The following DNAJC3 variants were observed in gnomAD, a reference collection of about 807,000 sequenced individuals.
DNAJC3 encodes dnaJ homolog subfamily C member 3.
In DNAJC3, 38 loss-of-function variants were observed where a neutral mutation model predicts 68.6. The ratio of observed to expected loss-of-function variants is 0.55; its 90% CI spans 0.43 to 0.73. DNAJC3 has a LOEUF of 0.73. Ranked by LOEUF, DNAJC3 falls within the 30% of genes least tolerant of loss-of-function variation. The probability of loss-of-function intolerance (pLI) is 0.00; values close to 1 mark genes in which losing one functional copy is unlikely to be tolerated. For missense variants in DNAJC3, 526 were observed against 591.9 expected (o/e 0.89, Z 1.16); for synonymous variants, 203 against 204.0 (o/e 1.00, Z 0.04).
In DNAJC3 at chr13:95,763,735, A is replaced by G. The variant is rs1882892086; in HGVS notation, c.941A>G (p.His314Arg). Residue 314 changes from histidine (H) to arginine (R), a missense_variant, in exon 8 of 12, where the codon CAC (histidine) becomes CGC (arginine). Coordinates refer to ENST00000602402, the MANE Select transcript of DNAJC3 (RefSeq NM_006260.5). ...YTVRSKERICHCFSKDEKPVE... is the reference protein window; with the variant it reads ...YTVRSKERICRCFSKDEKPVE... ...GTTCGTTCAAAGGAGAGGATTTGCC[A>G]CTGCTTTTCTAAGGTAACAGTTGAC... 6.2e-7 allele frequency: 1 copy of G among 1,613,982 alleles called. No individual in the cohort carries two copies. The highest frequency in any genetic ancestry group is 8.5e-7 in the Non-Finnish European group (1 of 1,179,864).
At position 95,769,095 on chromosome 13, in the gene DNAJC3, G is replaced by GT. The variant is rs1258323799; in HGVS notation, c.1075+5146dup. Among the ~76,000 whole-genome samples, 4 of 152,204 alleles carry GT rather than the reference G, an allele frequency of 2.6e-5. No homozygotes were observed. The East Asian group carries it at 7.7e-4, about 29-fold the overall frequency. On this transcript the variant is annotated intron_variant, in intron 9 of 11. Coordinates refer to ENST00000602402, the MANE Select transcript of DNAJC3 (RefSeq NM_006260.5). ...CAGTCTCAGCCACCAACACAGCTGC[G>GT]TTTTAGTAAGAGTGGTCAAATTTAA...
At chr13:95,678,585 C>T (rs183342066) in intron 1 of DNAJC3, among the ~76,000 whole-genome samples, 21 of 152,292 alleles carry the variant, frequency 1.4e-4, no homozygotes, top group Middle Eastern at 3.4e-3. Flanking sequence ...GTCATATATT[C>T]TAGTTCTTTT....
At position 95,757,715 on chromosome 13, in the gene DNAJC3, G is replaced by A; in HGVS notation, c.465G>A (p.Gln155=). 6.3e-7 allele frequency: 1 copy of A among 1,586,464 alleles called. No homozygotes were observed. Among genetic ancestry groups the A allele is most frequent in the Non-Finnish European group, 8.6e-7 (1 of 1,158,232 alleles). Residue 155 remains glutamine (Q), a synonymous_variant, in exon 5 of 12, where the codon CAG becomes CAA. Coordinates refer to ENST00000602402, the MANE Select transcript of DNAJC3 (RefSeq NM_006260.5). ...AACTTATAAAATCTGATGAAATGCA[G>A]CGTTTGCGTTCACAAGCACTTAACG... ...QSQLIKSDEM[Q]RLRSQALNAF...
chr13:95,763,574 G>T, intron 7 of DNAJC3, 69 bp from the exon 8 acceptor site: 1 of 1,450,412 alleles, frequency 6.9e-7, no homozygotes, highest in East Asian at 2.3e-5. Context: ...GGTGAAGAGG[G>T]GAGGAGCCTT....
intron 1 of DNAJC3, among the ~76,000 whole-genome samples, chr13:95,699,405 T>G (rs1339407651): frequency 6.6e-6 from 1 of 152,222 alleles, no homozygotes; most frequent in Non-Finnish European, 1.5e-5. Context: ...TGGCTTGACA[T>G]AGCAGTTCAA....
At chr13:95,730,657 T>A (rs926593314) in intron 4 of DNAJC3, among the ~76,000 whole-genome samples, 1 of 152,224 alleles carries the variant, frequency 6.6e-6, no homozygotes, top group African/African-American at 2.4e-5. Flanking sequence ...TCTAATCTGT[T>A]CCATTGATGT....
chr13:95,754,019 T>C (rs1373395805), intron 4 of DNAJC3, among the ~76,000 whole-genome samples: 1 of 152,236 alleles, frequency 6.6e-6, no homozygotes, highest in Non-Finnish European at 1.5e-5. Flanking sequence ...CTGTGTTGGC[T>C]ATCTGCTGCT....
At position 95,677,153 on chromosome 13, in the gene DNAJC3, C is replaced by G. The variant is rs988554055; in HGVS notation, c.-103C>G. 10 of 1,085,854 alleles carry G rather than the reference C, an allele frequency of 9.2e-6. No homozygotes were observed. Among genetic ancestry groups the G allele is most frequent in the Non-Finnish European group, 1.3e-5 (10 of 762,490 alleles). The allele number at this position is 1,085,854 out of a possible 1,614,324, so 67.3% of individuals were successfully genotyped here. On this transcript the variant is annotated 5_prime_UTR_variant, in exon 1 of 12. Transcript: ENST00000602402. The stretch of plus-strand genomic sequence containing the variant: ...TGCTGGGCTCCAGAGCCACTGAGGC[C>G]TGAGCGAGAGCCGACGGCGGGCGGG...
intron 9 of DNAJC3, among the ~76,000 whole-genome samples, chr13:95,785,139 AT>A (rs1053780874): frequency 6.0e-5 from 9 of 149,908 alleles, no homozygotes; most frequent in South Asian, 2.1e-4. Flanking sequence ...CTTTCTACAA[AT>A]TTTTTTTTTC....
chr13:95,704,428 C>T (rs1168029799), intron 1 of DNAJC3, among the ~76,000 whole-genome samples: 1 of 152,202 alleles, frequency 6.6e-6, no homozygotes, highest in African/African-American at 2.4e-5. Context: ...TGTCTCCTAA[C>T]TAGTGCTGCT....
intron 11 of DNAJC3, among the ~76,000 whole-genome samples, chr13:95,788,757 A>G (rs1883675757): frequency 6.6e-6 from 1 of 152,124 alleles, no homozygotes; most frequent in Non-Finnish European, 1.5e-5. Context: ...TGGGGCCATT[A>G]TCACCCCCAC....
intron 9 of DNAJC3, among the ~76,000 whole-genome samples, chr13:95,778,515 CAGG>C (rs1883348736): frequency 6.6e-6 from 1 of 152,148 alleles, no homozygotes; most frequent in African/African-American, 2.4e-5. Flanking sequence ...TTTTAAAAAG[CAGG>C]AGGTTTTCTA....
intron 1 of DNAJC3, among the ~76,000 whole-genome samples, chr13:95,688,967 C>CGT (rs1471650659): frequency 7.2e-6 from 1 of 138,482 alleles, no homozygotes; most frequent in Non-Finnish European, 1.5e-5. Flanking sequence ...TGTGTGTGTG[C>CGT]GCGCTGTTGG....
intron 9 of DNAJC3, among the ~76,000 whole-genome samples, chr13:95,764,645 CATATATATATATATATATATATATAT>C (rs755441205): frequency 1.1e-3 from 62 of 56,518 alleles, no homozygotes; most frequent in Middle Eastern, 0.014. Flanking sequence ...AAATAGAATC[CATATATATATATATATATATATATAT>C]ATATATATAT....
At position 95,764,913 on chromosome 13, in the gene DNAJC3, G is replaced by A. The variant is rs1160204943; in HGVS notation, c.1075+960G>A. Among the ~76,000 whole-genome samples, 6 of 151,740 alleles carry A rather than the reference G, an allele frequency of 4.0e-5. No individual in the cohort carries two copies. The East Asian group carries it at 1.2e-3, about 29-fold the overall frequency. ...GGTAAAGCATTTTAAATCAAAAACA[G>A]TAATTTTCTCTTACAGTTAAATGAA... is the stretch of plus-strand genomic sequence containing the variant. On this transcript the variant is annotated intron_variant, in intron 9 of 11. Transcript: ENST00000602402.
intron 1 of DNAJC3, chr13:95,695,642 A>G (rs535949784): frequency 2.0e-5 from 3 of 152,338 alleles, no homozygotes; most frequent in East Asian, 3.9e-4. Context: ...CTATTATGTA[A>G]TTCTCCATTT....
intron 2 of DNAJC3, among the ~76,000 whole-genome samples, chr13:95,719,705 A>C (rs1483614571): frequency 6.6e-6 from 1 of 152,246 alleles, no homozygotes; most frequent in African/African-American, 2.4e-5. Flanking sequence ...TTGGTGTTAT[A>C]AATTGGGGTT....
At chr13:95,717,883 C>T (rs771881960) in intron 2 of DNAJC3, among the ~76,000 whole-genome samples, 2 of 152,168 alleles carry the variant, frequency 1.3e-5, no homozygotes, top group African/African-American at 2.4e-5. Flanking sequence ...AGCATGAAAA[C>T]GGACTAACGC....
chr13:95,791,210 CGGCAAGGA>C lies in DNAJC3; in HGVS notation c.*189_*196del. On this transcript the variant is annotated 3_prime_UTR_variant, in exon 12 of 12. Transcript: ENST00000602402. ...AGATTTATGGTTAATGGGTTTGCAA[CGGCAAGGA>C]GGCAAGGAATGGTTCTATTTCTGAC... The C allele has an allele frequency of 2.9e-6, 2 of 683,056 alleles. No homozygotes were observed. Among genetic ancestry groups the C allele is most frequent in the South Asian group, 2.0e-5 (1 of 51,222 alleles). The allele number at this position is 683,056 out of a possible 1,614,324, so 42.3% of individuals were successfully genotyped here.
Sources: gnomAD v4.1 joint callset for allele counts (sites outside exome capture counted in the v4.1 genomes callset) on GRCh38, gnomAD v4.1.1 for gene constraint, MANE v1.5 for transcripts, NCBI Gene and HGNC (gene_info 2026-07-23, HGNC 2026-07-21) for gene names.